The following LRP2BP variants were observed in gnomAD, a reference collection of about 807,000 sequenced individuals.
The protein encoded by LRP2BP is LRP2 binding protein, also known as LRP2-binding protein.
In LRP2BP, 38 loss-of-function variants were observed where a neutral mutation model predicts 45.2. That is an observed-to-expected ratio of 0.84 (90% CI 0.65 to 1.10). LRP2BP has a LOEUF of 1.10. Ranked by LOEUF, LRP2BP falls within the 50% of genes least tolerant of loss-of-function variation. LRP2BP has a pLI of 0.00. For missense variants in LRP2BP, 385 were observed against 418.9 expected (o/e 0.92, Z 0.71); for synonymous variants, 153 against 153.9 (o/e 0.99, Z 0.04).
chr4:185,392,991 T>A (rs558987543), intron 1 of LRP2BP, among the ~76,000 whole-genome samples: 64 of 152,330 alleles, frequency 4.2e-4, no homozygotes, highest in African/African-American at 1.5e-3. Flanking sequence ...TGGAGTGCAG[T>A]GGCACGATCT....
chr4:185,365,568 C>A lies in LRP2BP; in HGVS notation c.*1612G>T, dbSNP rs2095384227. The stretch of plus-strand genomic sequence containing the variant: ...ACGGGGTTTCACCACGTTGGCCAGC[C>A]TGGTCTCAAACTCCTGACCTCATGA... On this transcript the variant is annotated 3_prime_UTR_variant, in exon 9 of 9. Coordinates refer to ENST00000505916, the MANE Select transcript of LRP2BP (RefSeq NM_001377440.1). 6.6e-6 allele frequency: 1 copy of A among 151,528 alleles called. No homozygotes were observed. Among genetic ancestry groups the A allele is most frequent in the Non-Finnish European group, 1.5e-5 (1 of 67,938 alleles). 9.4% of individuals were successfully genotyped at this position (151,528 alleles called of 1,614,324 possible).
At chr4:185,386,142 A>G (rs2095471248) in intron 1 of LRP2BP, among the ~76,000 whole-genome samples, 2 of 152,248 alleles carry the variant, frequency 1.3e-5, no homozygotes, top group Admixed American at 6.5e-5. Context: ...GAAGTTCTGG[A>G]CAAAAAATAA....
intron 1 of LRP2BP, among the ~76,000 whole-genome samples, chr4:185,385,191 G>A (rs1252357923): frequency 6.6e-6 from 1 of 152,166 alleles, no homozygotes; most frequent in Admixed American, 6.5e-5. Context: ...CCCGCCGTTT[G>A]TGTGGGCCCA....
Position 185,378,397 on chromosome 4 carries a change from G to A in LRP2BP, c.-21-190C>T, listed in dbSNP as rs111920048. 1.9e-5 allele frequency: 26 copies of A among 1,372,762 alleles called. No homozygotes were observed. The African/African-American group carries it at 3.4e-4, about 18-fold the overall frequency. The allele number at this position is 1,372,762 out of a possible 1,614,324, so 85.0% of individuals were successfully genotyped here. ...CACCAAGACCCTCCTCCCTAGCTGA[G>A]AGACAGCCATTCTCCATGTCATTTT... is the stretch of plus-strand genomic sequence containing the variant. On this transcript the variant is annotated intron_variant, in intron 1 of 8. Transcript: ENST00000505916.
Position 185,395,215 on chromosome 4 carries a change from T to C in LRP2BP, c.-458A>G. On this transcript the variant is annotated 5_prime_UTR_variant, in exon 1 of 9. Coordinates refer to ENST00000505916, the MANE Select transcript of LRP2BP (RefSeq NM_001377440.1). ...ACGTATGTAACAGGAAGTTAAAAAA[T>C]AACTACCACTTAATGCATACTGAAC... is the stretch of plus-strand genomic sequence containing the variant. The C allele has an allele frequency of 1.0e-6, 1 of 985,190 alleles. No individual in the cohort carries two copies. 61.0% of individuals were successfully genotyped at this position (985,190 alleles called of 1,614,324 possible).
upstream of LRP2BP, chr4:185,397,159 C>T (rs754811311): frequency 1.2e-6 from 2 of 1,613,502 alleles, no homozygotes; most frequent in South Asian, 1.1e-5. Context: ...GGTGGATGGT[C>T]TGAAGCATTT....
intron 1 of LRP2BP, among the ~76,000 whole-genome samples, chr4:185,386,563 C>T (rs56015350): frequency 6.6e-6 from 1 of 152,010 alleles, no homozygotes; most frequent in African/African-American, 2.4e-5. Context: ...GGGCATGGGG[C>T]AGGTGGATTC....
At position 185,370,769 on chromosome 4, in the gene LRP2BP, CTGGGCGATCA is replaced by C; in HGVS notation, c.839_848del (p.Met280ArgfsTer48). 6.2e-7 allele frequency: 1 copy of C among 1,614,100 alleles called. No individual in the cohort carries two copies. The highest frequency in any genetic ancestry group is 1.1e-5 in the South Asian group (1 of 91,088). On this transcript the variant is annotated frameshift_variant, in exon 8 of 9. Transcript: ENST00000505916. LOFTEE classifies it high-confidence loss of function. ...TGAACTCCGGGAGACAGTCTGTGAC[CTGGGCGATCA>C]TGGGGATGTCGTGAACCTCATCATA...
At chr4:185,378,008 C>A in intron 2 of LRP2BP, 73 bp downstream of exon 2, 1 of 1,188,726 alleles carries the variant, frequency 8.4e-7, no homozygotes, top group Non-Finnish European at 1.2e-6. Flanking sequence ...TATTTCTTGT[C>A]TCGTTTGCTC....
chr4:185,385,980 G>A (rs540252049), intron 1 of LRP2BP, among the ~76,000 whole-genome samples: 31 of 152,036 alleles, frequency 2.0e-4, no homozygotes, highest in Non-Finnish European at 1.2e-4. Context: ...TATCTTCAGG[G>A]GAAGTTGTGT....
chr4:185,377,953 A>G, intron 2 of LRP2BP, 128 bp downstream of exon 2: 1 of 749,360 alleles, frequency 1.3e-6, no homozygotes, highest in Admixed American at 3.2e-5. Flanking sequence ...GGAAAACTCA[A>G]AAGGACTAAT....
rs1249371753 is a variant in LRP2BP, at chr4:185,366,727, G to A, written c.*453C>T. On this transcript the variant is annotated 3_prime_UTR_variant, in exon 9 of 9. Transcript: ENST00000505916. ...CTGAAAATTTAAATTTTAAATGACT[G>A]AAACAAAATTTAAACATTATTATTC... The A allele has an allele frequency of 2.6e-5, 4 of 151,952 alleles. No individual in the cohort carries two copies. The highest frequency in any genetic ancestry group is 9.7e-5 in the African/African-American group (4 of 41,344). The allele number at this position is 151,952 out of a possible 1,614,324, so 9.4% of individuals were successfully genotyped here.
At chr4:185,385,912 G>GA (rs1554020215) in intron 1 of LRP2BP, among the ~76,000 whole-genome samples, 1 of 22,780 alleles carries the variant, frequency 4.4e-5, no homozygotes, top group African/African-American at 7.7e-5. Flanking sequence ...GGGAGGGGGG[G>GA]GGGGAGATAA....
At chr4:185,394,634 C>A (rs1015894079) in intron 1 of LRP2BP, 145 bp downstream of exon 1, 1 of 462,592 alleles carries the variant, frequency 2.2e-6, no homozygotes, top group Non-Finnish European at 2.8e-6. Flanking sequence ...TCACACACTG[C>A]CCCCAGACTG....
chr4:185,387,182 G>A (rs914351087), intron 1 of LRP2BP, among the ~76,000 whole-genome samples: 22 of 152,224 alleles, frequency 1.4e-4, no homozygotes, highest in Admixed American at 4.6e-4. Context: ...GCAGTGAGCC[G>A]AGATTGCGCC....
At chr4:185,387,017 G>C (rs1047568207) in intron 1 of LRP2BP, among the ~76,000 whole-genome samples, 1 of 152,168 alleles carries the variant, frequency 6.6e-6, no homozygotes, top group African/African-American at 2.4e-5. Context: ...AGGCCAAGGT[G>C]GGCAGATCAC....
intron 1 of LRP2BP, among the ~76,000 whole-genome samples, chr4:185,392,702 G>T (rs2095491349): frequency 6.6e-6 from 1 of 152,032 alleles, no homozygotes; most frequent in Non-Finnish European, 1.5e-5. Flanking sequence ...CACCTTCAGT[G>T]TATGAACGAT....
At chr4:185,384,250 T>C (rs2095464038) in intron 1 of LRP2BP, among the ~76,000 whole-genome samples, 2 of 152,176 alleles carry the variant, frequency 1.3e-5, no homozygotes, top group Admixed American at 6.5e-5. Context: ...CAAGGCACTG[T>C]CCTGAAAGCT....
chr4:185,394,735 C>A (rs2095497304), intron 1 of LRP2BP, 44 bp downstream of exon 1: 1 of 984,830 alleles, frequency 1.0e-6, no homozygotes, highest in African/African-American at 1.7e-5. Flanking sequence ...ACTCTTACTA[C>A]TCAAGATTCA....
Sources: allele counts gnomAD v4.1 joint callset (sites outside exome capture counted in the v4.1 genomes callset), GRCh38; gene constraint gnomAD v4.1.1; transcripts MANE v1.5; gene names NCBI Gene and HGNC (gene_info 2026-07-23, HGNC 2026-07-21).